ANOS1: variants seen among roughly 807,000 people sequenced by gnomAD.
ANOS1 encodes the protein anosmin 1.
Under a neutral mutation model 59.0 loss-of-function variants are expected in ANOS1, and 6 were observed. The observed-to-expected ratio is 0.10, with a 90% CI of 0.06 to 0.20. The LOEUF (loss-of-function observed/expected upper bound fraction) is 0.20, where lower values mean the gene tolerates loss of function less well. ANOS1 is among the 10% of genes least tolerant of loss of function. ANOS1 has a pLI of 1.00. For missense variants in ANOS1, 433 were observed against 542.3 expected, an observed-to-expected ratio of 0.80 and a Z score of 2.00; for synonymous variants, 217 against 223.4, an observed-to-expected ratio of 0.97 and a Z score of 0.25.
chrX:8,685,231 C>T (rs1418771003), intron 2 of ANOS1, among the ~76,000 whole-genome samples: 1 of 111,091 alleles, frequency 9.0e-6, no homozygotes, highest in African/African-American at 3.3e-5. Flanking sequence ...CAGGAATATA[C>T]ACATTGACAC....
At chrX:8,613,824 C>T (rs5978253) in intron 3 of ANOS1, among the ~76,000 whole-genome samples, 41,878 of 110,228 alleles carry the variant, frequency 0.38, 5,764 homozygotes, top group South Asian at 0.43. Flanking sequence ...ATCCCTAAAA[C>T]AGGGAGCCCC....
At position 8,597,202 on chromosome X, in the gene ANOS1, A is replaced by G. The variant is rs1013327515; in HGVS notation, c.373T>C (p.Tyr125His). 6.3e-5 allele frequency: 76 copies of G among 1,210,286 alleles called. No individual in the cohort carries two copies. Among genetic ancestry groups the G allele is most frequent in the Non-Finnish European group, 8.2e-5 (73 of 895,291 alleles). The change falls in exon 4 of 14, where the codon TAC (tyrosine) becomes CAC (histidine). Residue 125 changes from tyrosine to histidine, a missense_variant. Transcript: ENST00000262648. ...TCCCCCTGCTTCACCAACAGGATGT[A>G]TTTGAGGAACTCACAGCTGGTCAAG... ...ECLTSCEFLK[Y>H]ILLVKQGDCP... is the part of the protein sequence containing the mutation.
chrX:8,548,776 T>C (rs187930120), intron 9 of ANOS1, among the ~76,000 whole-genome samples: 1 of 112,424 alleles, frequency 8.9e-6, no homozygotes, highest in East Asian at 2.8e-4. Flanking sequence ...ACAAAGAGTG[T>C]TCTCTGGCCA....
chrX:8,539,712 A>G lies in ANOS1; in HGVS notation c.1401T>C (p.Cys467=), dbSNP rs908815337. 9.9e-6 allele frequency: 12 copies of G among 1,209,311 alleles called. No homozygotes were observed. Among genetic ancestry groups the G allele is most frequent in the African/African-American group, 8.8e-5 (5 of 56,894 alleles). ...CTGATCCGGTTGTTCTGTTGTGGGC[A>G]CACGCTTCAGGAAACCACCGCACAT... ...RYHVRWFPEA[C]AHNRTTGSEA... The change falls in exon 10 of 14, where the codon TGT becomes TGC. Residue 467 remains cysteine (C), a synonymous_variant. Coordinates refer to ENST00000262648, the MANE Select transcript of ANOS1 (RefSeq NM_000216.4).
At chrX:8,674,903 G>C (rs766451028) in intron 2 of ANOS1, among the ~76,000 whole-genome samples, 2 of 111,359 alleles carry the variant, frequency 1.8e-5, no homozygotes, top group East Asian at 5.7e-4. Flanking sequence ...CAAGCAAACT[G>C]TAATATATAA....
At chrX:8,578,482 G>A (rs964942104) in intron 6 of ANOS1, among the ~76,000 whole-genome samples, 1 of 111,551 alleles carries the variant, frequency 9.0e-6, no homozygotes, top group African/African-American at 3.3e-5. Context: ...TCCCCACGGG[G>A]CAACAGGGAA....
At chrX:8,581,912 C>T (rs1025710182) in intron 6 of ANOS1, among the ~76,000 whole-genome samples, 3 of 111,996 alleles carry the variant, frequency 2.7e-5, no homozygotes, top group African/African-American at 9.8e-5. Flanking sequence ...TCATCCCTTA[C>T]TGAGAAAATT....
chrX:8,705,817 T>A (rs1932776628), intron 1 of ANOS1, among the ~76,000 whole-genome samples: 1 of 111,966 alleles, frequency 8.9e-6, no homozygotes, highest in Admixed American at 9.5e-5. Flanking sequence ...AGATAAAGAG[T>A]CAAAGTACAT....
chrX:8,594,491 C>G (rs1042219086), intron 4 of ANOS1, among the ~76,000 whole-genome samples: 2 of 104,299 alleles, frequency 1.9e-5, no homozygotes, highest in Non-Finnish European at 3.9e-5. Flanking sequence ...CTTCAAATGC[C>G]TCATTAGCTA....
intron 1 of ANOS1, among the ~76,000 whole-genome samples, chrX:8,715,444 CT>C (rs79202549): frequency 1.4e-3 from 133 of 95,461 alleles, no homozygotes; most frequent in African/African-American, 1.9e-3. Flanking sequence ...TTTTCTTTTT[CT>C]TTTTTTTTTT....
intron 2 of ANOS1, among the ~76,000 whole-genome samples, chrX:8,637,866 G>A (rs1307368031): frequency 2.7e-5 from 3 of 112,385 alleles, no homozygotes; most frequent in Non-Finnish European, 1.9e-5. Context: ...AAGGCAAAAA[G>A]AAAACAGAAG....
Position 8,531,947 on chromosome X carries a change from T to C in ANOS1, c.*1048A>G, listed in dbSNP as rs1423817988. 1 of 111,892 alleles carries C rather than the reference T, an allele frequency of 8.9e-6. No homozygotes were observed. The highest frequency in any genetic ancestry group is 1.9e-5 in the Non-Finnish European group (1 of 53,225). 9.2% of individuals were successfully genotyped at this position (111,892 alleles called of 1,213,427 possible). A position where few individuals can be genotyped will look rare whatever the true frequency, so the allele number is the denominator to read the frequency against. ...CATAAAACATTTCCAAAAAGTAAGA[T>C]ATACTAGATTTGAAAGCATATGGGT... is the stretch of plus-strand genomic sequence containing the variant. On this transcript the variant is annotated 3_prime_UTR_variant, in exon 14 of 14. Coordinates refer to ENST00000262648, the MANE Select transcript of ANOS1 (RefSeq NM_000216.4).
At chrX:8,563,766 G>A (rs760659448) in intron 8 of ANOS1, among the ~76,000 whole-genome samples, 15 of 112,028 alleles carry the variant, frequency 1.3e-4, no homozygotes, top group Non-Finnish European at 2.3e-4. Context: ...CAAGAAACCT[G>A]TGGGTCCTGA....
In ANOS1 at chrX:8,553,689, G is replaced by C. The variant is rs975353898; in HGVS notation, c.1354+263C>G. Among the ~76,000 whole-genome samples, 3 of 111,370 alleles carry C rather than the reference G, an allele frequency of 2.7e-5. No homozygotes were observed. In the East Asian group the frequency reaches 8.5e-4, roughly 31 times the overall value. ...TACAGCTCAAAATAATGAATATTTT[G>C]AGTGTTTTGGATATAACATCAGCCA... On this transcript the variant is annotated intron_variant, in intron 9 of 13. Transcript: ENST00000262648.
intron 2 of ANOS1, among the ~76,000 whole-genome samples, chrX:8,666,528 A>G (rs1257594675): frequency 1.8e-5 from 2 of 111,957 alleles, no homozygotes; most frequent in Non-Finnish European, 3.8e-5. Context: ...AAAATCTGCA[A>G]CATTGTAAGT....
intron 1 of ANOS1, among the ~76,000 whole-genome samples, chrX:8,722,329 G>A (rs1216720055): frequency 9.0e-6 from 1 of 111,332 alleles, no homozygotes; most frequent in Non-Finnish European, 1.9e-5. Context: ...TGAACCCAGT[G>A]TGTAGTCTTT....
At chrX:8,585,196 T>C (rs1330967975) in intron 6 of ANOS1, 71 bp downstream of exon 6, 1 of 1,080,675 alleles carries the variant, frequency 9.3e-7, no homozygotes, top group East Asian at 3.1e-5. Flanking sequence ...ATAGAGACAG[T>C]GAATCTGCAT....
chrX:8,621,239 G>A (rs765280539), intron 3 of ANOS1, among the ~76,000 whole-genome samples: 132 of 109,874 alleles, frequency 1.2e-3, no homozygotes, highest in Non-Finnish European at 2.0e-3. Context: ...GGTGGTGCAC[G>A]CCTGTAATTC....
At chrX:8,730,160 C>A (rs1932959123) in intron 1 of ANOS1, among the ~76,000 whole-genome samples, 1 of 111,648 alleles carries the variant, frequency 9.0e-6, no homozygotes, top group Non-Finnish European at 1.9e-5. Flanking sequence ...AAAAAAGGTA[C>A]TCTTTCTCCC....
Sources: allele counts gnomAD v4.1 joint callset (sites outside exome capture counted in the v4.1 genomes callset), GRCh38; gene constraint gnomAD v4.1.1; transcripts MANE v1.5; gene names NCBI Gene and HGNC (gene_info 2026-07-23, HGNC 2026-07-21).